The following PRMT6 variants were observed in gnomAD, a reference collection of about 807,000 sequenced individuals.
PRMT6 encodes the protein protein arginine N-methyltransferase 6.
In PRMT6, 23 loss-of-function variants were observed where a neutral mutation model predicts 30.5. The ratio of observed to expected loss-of-function variants is 0.75; its 90% confidence interval spans 0.54 to 1.07. The LOEUF (loss-of-function observed/expected upper bound fraction) is 1.07. PRMT6 is among the 50% of genes least tolerant of loss of function. PRMT6 has a pLI of 0.00. For synonymous variants in PRMT6, 265 were observed against 228.0 expected (o/e 1.16, Z -1.46); for missense variants, 528 against 514.3 (o/e 1.03, Z -0.26).
chr1:107,057,568 A>C lies in PRMT6; in HGVS notation c.853A>C (p.Met285Leu), dbSNP rs753315452. 107 of 1,613,660 alleles carry C rather than the reference A, an allele frequency of 6.6e-5. No individual in the cohort carries two copies. The highest frequency in any genetic ancestry group is 3.3e-4 in the Middle Eastern group (2 of 6,072). ...FRCSCYGSAP[M>L]HGFAIWFQVT... ...CTGCAGCTGCTATGGCTCGGCGCCC[A>C]TGCATGGCTTTGCCATCTGGTTCCA... Residue 285 changes from methionine (M) to leucine (L), a missense_variant, in exon 1 of 1, where the codon ATG becomes CTG. Met to Leu is a conservative substitution (Grantham distance 15, BLOSUM62 2). Transcript: ENST00000370078.
Position 107,056,740 on chromosome 1 carries a change from C to A in PRMT6, c.25C>A (p.Leu9Ile). The stretch of plus-strand genomic sequence containing the variant: ...GATGTCGCAGCCCAAGAAAAGAAAG[C>A]TTGAGTCGGGGGGCGGCGGCGAAGG... MSQPKKRK[L>I]ESGGGGEGGE... Residue 9 changes from leucine (L) to isoleucine (I), a missense_variant, in exon 1 of 1, where the codon CTT becomes ATT. By Grantham distance (5) the Leu-to-Ile change is conservative. Transcript: ENST00000370078. 1 of 1,533,580 alleles carries A rather than the reference C, an allele frequency of 6.5e-7. No individual in the cohort carries two copies. The highest frequency in any genetic ancestry group is 1.2e-5 in the South Asian group (1 of 81,776). 95.0% of individuals were successfully genotyped at this position (1,533,580 alleles called of 1,614,324 possible).
At position 107,057,573 on chromosome 1, in the gene PRMT6, T is replaced by G. The variant is rs1330971138; in HGVS notation, c.858T>G (p.His286Gln). ...GCTGCTATGGCTCGGCGCCCATGCATGGCTTTGCCATCTGGTTCCAGGTGA... is the reference window on the plus strand; with the variant it reads ...GCTGCTATGGCTCGGCGCCCATGCAGGGCTTTGCCATCTGGTTCCAGGTGA... ...RCSCYGSAPM[H>Q]GFAIWFQVTF... Residue 286 changes from histidine to glutamine, a missense_variant, in exon 1 of 1, where the codon CAT (histidine) becomes CAG (glutamine). Coordinates refer to ENST00000370078, the MANE Select transcript of PRMT6 (RefSeq NM_018137.3). 1.2e-6 allele frequency: 2 copies of G among 1,613,956 alleles called. No homozygotes were observed. Among genetic ancestry groups the G allele is most frequent in the East Asian group, 4.5e-5 (2 of 44,874 alleles).
rs749220337 is a variant in PRMT6, at chr1:107,057,362, G to C, written c.647G>C (p.Gly216Ala). ...GFWSQVKQHY[G>A]VDMSCLEGFA... ...TGGAGCCAGGTGAAGCAGCACTATG[G>C]TGTGGACATGAGCTGCCTGGAGGGC... is the stretch of plus-strand genomic sequence containing the variant. Residue 216 changes from glycine to alanine, a missense_variant, in exon 1 of 1, where the codon GGT becomes GCT. By Grantham distance (60) the Gly-to-Ala change is moderately conservative (BLOSUM62 0). Transcript: ENST00000370078. The C allele has an allele frequency of 1.9e-6, 3 of 1,613,810 alleles. No homozygotes were observed. The highest frequency in any genetic ancestry group is 4.5e-5 in the East Asian group (2 of 44,870).
Position 107,057,326 on chromosome 1 carries a change from G to C in PRMT6, c.611G>C (p.Arg204Pro). Residue 204 changes from arginine (R) to proline (P), a missense_variant, in exon 1 of 1, where the codon CGC (arginine) becomes CCC (proline). Transcript: ENST00000370078. ...APISDQMLEW[R>P]LGFWSQVKQH... ...ATCAGCGACCAGATGCTGGAATGGC[G>C]CCTGGGCTTCTGGAGCCAGGTGAAG... 6.2e-7 allele frequency: 1 copy of C among 1,613,932 alleles called. No individual in the cohort carries two copies. The highest frequency in any genetic ancestry group is 1.1e-5 in the South Asian group (1 of 91,084).
At position 107,057,830 on chromosome 1, in the gene PRMT6, C is replaced by A. The variant is rs773787904; in HGVS notation, c.1115C>A (p.Ala372Asp). The part of the protein sequence containing the change: ...GDQEEKTKDF[A>D]MED ...CAGGAGGAGAAGACCAAAGACTTTGCCATGGAGGACTGAGCGTTGCCTTTT... is the reference window on the plus strand; with the variant it reads ...CAGGAGGAGAAGACCAAAGACTTTGACATGGAGGACTGAGCGTTGCCTTTT... The change falls in exon 1 of 1, where the codon GCC (alanine) becomes GAC (aspartate). Residue 372 changes from alanine (A) to aspartate (D), a missense_variant. Coordinates refer to ENST00000370078, the MANE Select transcript of PRMT6 (RefSeq NM_018137.3). The A allele has an allele frequency of 1.9e-6, 3 of 1,578,410 alleles. No homozygotes were observed. Among genetic ancestry groups the A allele is most frequent in the Non-Finnish European group, 1.7e-6 (2 of 1,161,342 alleles).
In PRMT6 at chr1:107,057,296, C is replaced by G. The variant is rs2232016; in HGVS notation, c.581C>G (p.Ala194Gly). The G allele has an allele frequency of 6.2e-7, 1 of 1,613,822 alleles. No homozygotes were observed. The highest frequency in any genetic ancestry group is 8.5e-7 in the Non-Finnish European group (1 of 1,180,000). ...LLPASAELFI[A>G]PISDQMLEWR... ...CCGGCCTCCGCCGAGCTCTTCATAG[C>G]CCCCATCAGCGACCAGATGCTGGAA... is the stretch of plus-strand genomic sequence containing the variant. The change falls in exon 1 of 1, where the codon GCC becomes GGC. Residue 194 changes from alanine to glycine, a missense_variant. Transcript: ENST00000370078.
In PRMT6 at chr1:107,058,062, A is replaced by G. The variant is rs1408316108; in HGVS notation, c.*219A>G. ...AAAGTGATCCCCCTCAACAACGGAT[A>G]CAGCGTGCTTATTATTGGGCATTTA... On this transcript the variant is annotated 3_prime_UTR_variant, in exon 1 of 1. Transcript: ENST00000370078. The G allele has an allele frequency of 6.1e-6, 4 of 652,866 alleles. No homozygotes were observed. The highest frequency in any genetic ancestry group is 1.8e-5 in the African/African-American group (1 of 54,604). 40.4% of individuals were successfully genotyped at this position (652,866 alleles called of 1,614,324 possible).
chr1:107,058,596 A>C lies in PRMT6; in HGVS notation c.*753A>C, dbSNP rs1256945394. 1.2e-5 allele frequency: 2 copies of C among 167,114 alleles called. No individual in the cohort carries two copies. The highest frequency in any genetic ancestry group is 2.9e-5 in the Non-Finnish European group (2 of 68,128). 10.4% of individuals were successfully genotyped at this position (167,114 alleles called of 1,614,324 possible). A position where few individuals can be genotyped will look rare whatever the true frequency, so the allele number is the denominator to read the frequency against. On this transcript the variant is annotated 3_prime_UTR_variant, in exon 1 of 1. Transcript: ENST00000370078. ...AAAGAAATAGTATGGATTTTTAAAA[A>C]TTCTTGTCTCTACTATTATAACCAA...
Position 107,057,450 on chromosome 1 carries a change from C to T in PRMT6, c.735C>T (p.Asp245=), listed in dbSNP as rs372142027. 4.3e-6 allele frequency: 7 copies of T among 1,612,778 alleles called. No homozygotes were observed. In the African/African-American group the frequency reaches 8.0e-5, roughly 18 times the overall value. The change falls in exon 1 of 1, where the codon GAC becomes GAT. Residue 245 remains aspartate, a synonymous_variant. Coordinates refer to ENST00000370078, the MANE Select transcript of PRMT6 (RefSeq NM_018137.3). The part of the protein sequence containing the change: ...EIVVQGLSGE[D]VLARPQRFAQ... ...TTGTGCAGGGATTGTCCGGCGAGGA[C>T]GTGCTGGCCCGGCCGCAGCGCTTTG...
At position 107,057,842 on chromosome 1, in the gene PRMT6, G is replaced by A; in HGVS notation, c.1127G>A (p.Ter376=). 1 of 1,567,480 alleles carries A rather than the reference G, an allele frequency of 6.4e-7. No homozygotes were observed. The highest frequency in any genetic ancestry group is 8.7e-7 in the Non-Finnish European group (1 of 1,155,400). Residue 376 remains the stop codon, a stop_retained_variant, in exon 1 of 1, where the codon TGA becomes TAA. Transcript: ENST00000370078. ...EKTKDFAMED[*] Reference sequence around the variant, plus strand: ...ACCAAAGACTTTGCCATGGAGGACTGAGCGTTGCCTTTTCTCCCAGCTACC... The same window carrying A: ...ACCAAAGACTTTGCCATGGAGGACTAAGCGTTGCCTTTTCTCCCAGCTACC...
Position 107,057,467 on chromosome 1 carries a change from A to G in PRMT6, c.752A>G (p.Gln251Arg). ...GGCGAGGACGTGCTGGCCCGGCCGCAGCGCTTTGCTCAGCTAGAGCTCTCC... is the reference window on the plus strand; with the variant it reads ...GGCGAGGACGTGCTGGCCCGGCCGCGGCGCTTTGCTCAGCTAGAGCTCTCC... ...LSGEDVLARP[Q>R]RFAQLELSRA... Residue 251 changes from glutamine (Q) to arginine (R), a missense_variant, in exon 1 of 1, where the codon CAG (glutamine) becomes CGG (arginine). Gln to Arg is a conservative substitution (Grantham distance 43). Transcript: ENST00000370078. 1 of 1,612,712 alleles carries G rather than the reference A, an allele frequency of 6.2e-7. No individual in the cohort carries two copies. The highest frequency in any genetic ancestry group is 1.1e-5 in the South Asian group (1 of 90,984).
chr1:107,057,793 A>G lies in PRMT6; in HGVS notation c.1078A>G (p.Lys360Glu), dbSNP rs937352571. The G allele has an allele frequency of 1.2e-6, 2 of 1,608,756 alleles. No homozygotes were observed. The highest frequency in any genetic ancestry group is 1.3e-5 in the African/African-American group (1 of 74,754). Residue 360 changes from lysine to glutamate, a missense_variant, in exon 1 of 1, where the codon AAA (lysine) becomes GAA (glutamate). Lys to Glu is a moderately conservative substitution (Grantham distance 56). Coordinates refer to ENST00000370078, the MANE Select transcript of PRMT6 (RefSeq NM_018137.3). ...TCGCCTGCGCGTGCTGCTGCGCTACAAAGTGGGAGACCAGGAGGAGAAGAC... is the reference window on the plus strand; with the variant it reads ...TCGCCTGCGCGTGCTGCTGCGCTACGAAGTGGGAGACCAGGAGGAGAAGAC... ...PRRLRVLLRYKVGDQEEKTKD... is the reference protein window; with the variant it reads ...PRRLRVLLRYEVGDQEEKTKD...
Position 107,057,523 on chromosome 1 carries a change from G to C in PRMT6, c.808G>C (p.Gly270Arg). Residue 270 changes from glycine (G) to arginine (R), a missense_variant, in exon 1 of 1, where the codon GGA (glycine) becomes CGA (arginine). Physicochemically the swap from Gly to Arg is moderately radical, Grantham distance 125. Coordinates refer to ENST00000370078, the MANE Select transcript of PRMT6 (RefSeq NM_018137.3). Reference protein sequence around the residue: ...RAGLEQELEAGVGGRFRCSCY... With the variant: ...RAGLEQELEARVGGRFRCSCY... ...CGGCTTGGAGCAGGAGCTGGAGGCCGGAGTGGGCGGGCGCTTCCGCTGCAG... is the reference window on the plus strand; with the variant it reads ...CGGCTTGGAGCAGGAGCTGGAGGCCCGAGTGGGCGGGCGCTTCCGCTGCAG... 6.2e-7 allele frequency: 1 copy of C among 1,613,478 alleles called. No individual in the cohort carries two copies. The highest frequency in any genetic ancestry group is 2.2e-5 in the East Asian group (1 of 44,864).
rs747862326 is a variant in PRMT6 at position 107,057,151 on chromosome 1, C to A, written c.436C>A (p.Pro146Thr). Residue 146 changes from proline to threonine, a missense_variant, in exon 1 of 1, where the codon CCG (proline) becomes ACG (threonine). Transcript: ENST00000370078. ...GGGACCAGTGGAGACTGTAGAGTTGCCGGAACAGGTGGATGCCATCGTGAG... is the reference window on the plus strand; with the variant it reads ...GGGACCAGTGGAGACTGTAGAGTTGACGGAACAGGTGGATGCCATCGTGAG... ...LPGPVETVELPEQVDAIVSEW... is the reference protein window; with the variant it reads ...LPGPVETVELTEQVDAIVSEW... 1.2e-6 allele frequency: 2 copies of A among 1,608,098 alleles called. No individual in the cohort carries two copies. Among genetic ancestry groups the A allele is most frequent in the Non-Finnish European group, 1.7e-6 (2 of 1,180,012 alleles).
rs766985377 is a variant in PRMT6 at position 107,057,030 on chromosome 1, C to T, written c.315C>T (p.Ala105=). 5 of 1,613,294 alleles carry T rather than the reference C, an allele frequency of 3.1e-6. No individual in the cohort carries two copies. Among genetic ancestry groups the T allele is most frequent in the Non-Finnish European group, 4.2e-6 (5 of 1,179,790 alleles). Residue 105 remains alanine, a synonymous_variant, in exon 1 of 1, where the codon GCC becomes GCT. Transcript: ENST00000370078. ...GCATCTTCTGTGCCCAGGCCGGGGC[C>T]CGGCGCGTGTACGCGGTAGAGGCCA... ...ILSIFCAQAG[A]RRVYAVEASA...
chr1:107,058,271 C>G lies in PRMT6; in HGVS notation c.*428C>G, dbSNP rs1189741713. 7.7e-6 allele frequency: 2 copies of G among 260,170 alleles called. No individual in the cohort carries two copies. The highest frequency in any genetic ancestry group is 1.6e-5 in the Non-Finnish European group (2 of 124,626). The allele number at this position is 260,170 out of a possible 1,614,324, so 16.1% of individuals were successfully genotyped here. ...GGGTTCATTTAGACTTCATACATTT[C>G]CAGTACGACTTTAGTATCTCTCCAG... On this transcript the variant is annotated 3_prime_UTR_variant, in exon 1 of 1. Coordinates refer to ENST00000370078, the MANE Select transcript of PRMT6 (RefSeq NM_018137.3).
Position 107,057,677 on chromosome 1 carries a change from C to T in PRMT6, c.962C>T (p.Ala321Val). 6.2e-7 allele frequency: 1 copy of T among 1,614,222 alleles called. No homozygotes were observed. Among genetic ancestry groups the T allele is most frequent in the South Asian group, 1.1e-5 (1 of 91,090 alleles). ...PFHPATHWKQALLYLNEPVQV... is the reference protein window; with the variant it reads ...PFHPATHWKQVLLYLNEPVQV... ...CACCCGGCCACTCACTGGAAACAGG[C>T]GCTCCTCTACCTGAACGAGCCGGTG... is the stretch of plus-strand genomic sequence containing the variant. The change falls in exon 1 of 1, where the codon GCG becomes GTG. Residue 321 changes from alanine to valine, a missense_variant. Physicochemically the swap from Ala to Val is moderately conservative, Grantham distance 64. Transcript: ENST00000370078.
chr1:107,057,133 G>T lies in PRMT6; in HGVS notation c.418G>T (p.Val140Leu). 6.2e-7 allele frequency: 1 copy of T among 1,607,370 alleles called. No homozygotes were observed. Among genetic ancestry groups the T allele is most frequent in the Non-Finnish European group, 8.5e-7 (1 of 1,180,012 alleles). The change falls in exon 1 of 1, where the codon GTG becomes TTG. Residue 140 changes from valine (V) to leucine (L), a missense_variant. Physicochemically the swap from Val to Leu is conservative, Grantham distance 32 (BLOSUM62 1). Coordinates refer to ENST00000370078, the MANE Select transcript of PRMT6 (RefSeq NM_018137.3). ...EDRVHVLPGP[V>L]ETVELPEQVD... is the part of the protein sequence containing the mutation. ...CCGGGTGCACGTCCTGCCGGGACCA[G>T]TGGAGACTGTAGAGTTGCCGGAACA...
rs754362841 is a variant in PRMT6, at chr1:107,057,206, A to G, written c.491A>G (p.Glu164Gly). 4 of 1,613,262 alleles carry G rather than the reference A, an allele frequency of 2.5e-6. No homozygotes were observed. Among genetic ancestry groups the G allele is most frequent in the Non-Finnish European group, 2.5e-6 (3 of 1,180,028 alleles). The change falls in exon 1 of 1, where the codon GAG (glutamate) becomes GGG (glycine). Residue 164 changes from glutamate to glycine, a missense_variant. Physicochemically the swap from Glu to Gly is moderately conservative, Grantham distance 98. Transcript: ENST00000370078. ...SEWMGYGLLH[E>G]SMLSSVLHAR... ...TGGATGGGCTACGGACTCCTGCACGAGTCCATGCTGAGCTCCGTCCTCCAC... is the reference window on the plus strand; with the variant it reads ...TGGATGGGCTACGGACTCCTGCACGGGTCCATGCTGAGCTCCGTCCTCCAC...
Sources: allele counts gnomAD v4.1 joint callset, GRCh38; gene constraint gnomAD v4.1.1; transcripts MANE v1.5; gene names NCBI Gene and HGNC (gene_info 2026-07-23, HGNC 2026-07-21).